TAF2: variants seen among roughly 807,000 people sequenced by gnomAD.
TAF2 encodes the protein transcription initiation factor TFIID subunit 2.
Under a neutral mutation model 138.5 loss-of-function variants are expected in TAF2, and 61 were observed. That is an observed-to-expected ratio of 0.44 (90% CI 0.36 to 0.54). The LOEUF is 0.54. Among genes scored for constraint, TAF2 ranks in the 20% least tolerant of loss-of-function variants. TAF2 has a pLI of 0.00. For missense variants in TAF2, 1,090 were observed against 1,427.9 expected (o/e 0.76, Z 3.81); for synonymous variants, 475 against 469.9 (o/e 1.01, Z -0.14).
At chr8:119,779,851 C>G (rs961606043) in intron 17 of TAF2, among the ~76,000 whole-genome samples, 1 of 152,026 alleles carries the variant, frequency 6.6e-6, no homozygotes, top group African/African-American at 2.4e-5. Context: ...TTAATGTGCC[C>G]CACCCTCTAA....
intron 25 of TAF2, among the ~76,000 whole-genome samples, chr8:119,738,036 C>T (rs1819347373): frequency 6.6e-6 from 1 of 151,706 alleles, no homozygotes; most frequent in African/African-American, 2.4e-5. Flanking sequence ...TTCACTTATA[C>T]TATAAACTAT....
rs1042785052 is a variant in TAF2, at chr8:119,762,577, A to G, written c.2396T>C (p.Ile799Thr). 45 of 1,613,592 alleles carry G rather than the reference A, an allele frequency of 2.8e-5. No homozygotes were observed. Among genetic ancestry groups the G allele is most frequent in the Middle Eastern group, 1.7e-4 (1 of 6,054 alleles). ...TGTAACAGAGTTGGCCAGGGCATCA[A>G]TCATTTCTGCACGATAATAGTTATC... ...FSDNYYRAEMIDALANSVTPA... is the reference protein window; with the variant it reads ...FSDNYYRAEMTDALANSVTPA... The change falls in exon 19 of 26, where the codon ATT becomes ACT. Residue 799 changes from isoleucine (I) to threonine (T), a missense_variant. Transcript: ENST00000378164.
chr8:119,803,745 T>A, intron 5 of TAF2, 133 bp downstream of exon 5: 1 of 936,598 alleles, frequency 1.1e-6, no homozygotes, highest in Non-Finnish European at 1.5e-6. Flanking sequence ...TAACAGAAAG[T>A]AATTTGAAAG....
At chr8:119,801,596 T>C (rs573597665) in intron 6 of TAF2, among the ~76,000 whole-genome samples, 198 bp downstream of exon 6, 4 of 152,012 alleles carry the variant, frequency 2.6e-5, no homozygotes, top group Non-Finnish European at 5.9e-5. Flanking sequence ...GCCTGGCTAA[T>C]TTTTTGTATT....
intron 20 of TAF2, among the ~76,000 whole-genome samples, chr8:119,759,040 T>C (rs1287252824): frequency 6.6e-6 from 1 of 152,100 alleles, no homozygotes; most frequent in Non-Finnish European, 1.5e-5. Flanking sequence ...TTATGAGACA[T>C]TAAAAACTAT....
chr8:119,739,889 T>A (rs1819482506), intron 25 of TAF2, among the ~76,000 whole-genome samples: 1 of 151,888 alleles, frequency 6.6e-6, no homozygotes, highest in African/African-American at 2.4e-5. Context: ...TAAAAGGAAA[T>A]CCATATTTTT....
chr8:119,788,415 A>G lies in TAF2; in HGVS notation c.1716T>C (p.Asp572=). Residue 572 remains aspartate (D), a synonymous_variant, in exon 14 of 26, where the codon GAT becomes GAC. Transcript: ENST00000378164. ...GPLKVTVQEL[D]GSFNHTLQIE... The stretch of plus-strand genomic sequence containing the variant: ...TTTGCAGTGTATGATTGAAGGATCC[A>G]TCTAACTCCTGCACTGTCACTTTAA... The G allele has an allele frequency of 6.2e-7, 1 of 1,613,496 alleles. No homozygotes were observed. The highest frequency in any genetic ancestry group is 8.5e-7 in the Non-Finnish European group (1 of 1,179,866).
chr8:119,739,374 A>AAAT (rs1445598768), intron 25 of TAF2, among the ~76,000 whole-genome samples: 1 of 152,144 alleles, frequency 6.6e-6, no homozygotes. Flanking sequence ...AAAGGAAAAT[A>AAAT]AATAATAAAG....
At chr8:119,813,016 T>C (rs753619684) in intron 3 of TAF2, among the ~76,000 whole-genome samples, 15 of 152,224 alleles carry the variant, frequency 9.9e-5, no homozygotes, top group Non-Finnish European at 2.2e-4. Flanking sequence ...CTCTCCATAC[T>C]GTTTTCCACA....
In TAF2 at chr8:119,800,868, T is replaced by A. The variant is rs1272415635; in HGVS notation, c.792+926A>T. On this transcript the variant is annotated intron_variant, in intron 6 of 25. Transcript: ENST00000378164. The stretch of plus-strand genomic sequence containing the variant: ...ATTATATGCTTATGTATTTCTTTTT[T>A]AAAAAATAAACCTAAATTGAAGACG... Among the ~76,000 whole-genome samples the A allele has an allele frequency of 3.9e-5, 6 of 152,170 alleles. 1 individual carries two copies. The highest frequency in any genetic ancestry group is 7.4e-5 in the Non-Finnish European group (5 of 68,026).
intron 3 of TAF2, among the ~76,000 whole-genome samples, chr8:119,818,732 C>CCACACACACACACACACACACA (rs199991010): frequency 9.0e-6 from 1 of 110,900 alleles, no homozygotes. Context: ...AAAATGAAGT[C>CCACACACACACACACACACACA]CACACACACA....
chr8:119,786,976 AT>A (rs1034029928), intron 14 of TAF2, among the ~76,000 whole-genome samples: 3 of 152,306 alleles, frequency 2.0e-5, no homozygotes, highest in Admixed American at 1.3e-4. Context: ...AGGCAATACC[AT>A]TCAGGACAGA....
Position 119,815,269 on chromosome 8 carries a change from G to A in TAF2, c.299+4077C>T, listed in dbSNP as rs188489116. On this transcript the variant is annotated intron_variant, in intron 3 of 25. Coordinates refer to ENST00000378164, the MANE Select transcript of TAF2 (RefSeq NM_003184.4). Reference sequence around the variant, plus strand: ...TGCACTCCAGCCTGGATGACAGAGCGGGACTTGGTCTTTTTTTTTTTTTGA... The same window carrying A: ...TGCACTCCAGCCTGGATGACAGAGCAGGACTTGGTCTTTTTTTTTTTTTGA... 4.9e-3 allele frequency among the ~76,000 whole-genome samples: 739 copies of A among 151,852 alleles called. 13 individuals are homozygous for A. The highest frequency in any genetic ancestry group is 0.029 in the Admixed American group (448 of 15,266).
intron 18 of TAF2, among the ~76,000 whole-genome samples, chr8:119,773,273 T>G (rs1010001050): frequency 6.6e-6 from 1 of 151,464 alleles, no homozygotes; most frequent in African/African-American, 2.4e-5. Context: ...ACCATTTCTA[T>G]TTATGTAAAA....
chr8:119,829,883 G>A (rs1174532929), intron 2 of TAF2, among the ~76,000 whole-genome samples: 4 of 142,070 alleles, frequency 2.8e-5, no homozygotes, highest in Admixed American at 1.4e-4. Flanking sequence ...TTTTTGAGAC[G>A]GAGTCTTGCT....
intron 25 of TAF2, among the ~76,000 whole-genome samples, chr8:119,741,026 C>T (rs1819572743): frequency 6.6e-6 from 1 of 152,162 alleles, no homozygotes; most frequent in Non-Finnish European, 1.5e-5. Context: ...CATTCCTATT[C>T]CCCACCATTA....
intron 3 of TAF2, among the ~76,000 whole-genome samples, chr8:119,817,710 T>C (rs1825568098): frequency 6.6e-6 from 1 of 152,342 alleles, no homozygotes; most frequent in African/African-American, 2.4e-5. Flanking sequence ...CACTGTCTTT[T>C]GTGACTGACA....
In TAF2 at chr8:119,819,502, A is replaced by G. The variant is rs1462288948; in HGVS notation, c.143T>C (p.Phe48Ser). ...INFQRKSVVG[F>S]VELTIFPTVA... ...TGTGGGAAATATAGTCAGTTCCACAAATCCCTGTAAAGATAGAGAATAACA... is the reference window on the plus strand; with the variant it reads ...TGTGGGAAATATAGTCAGTTCCACAGATCCCTGTAAAGATAGAGAATAACA... Residue 48 changes from phenylalanine (F) to serine (S), a missense_variant, in exon 3 of 26, where the codon TTT becomes TCT. By Grantham distance (155) the Phe-to-Ser change is radical. This residue lies in a region of TAF2 where 504 missense variants were observed against 680.9 expected (regional missense o/e 0.74). Transcript: ENST00000378164. 3.7e-6 allele frequency: 6 copies of G among 1,604,352 alleles called. No individual in the cohort carries two copies. Among genetic ancestry groups the G allele is most frequent in the Non-Finnish European group, 5.1e-6 (6 of 1,177,572 alleles).
chr8:119,759,083 T>C (rs908637506), intron 20 of TAF2, among the ~76,000 whole-genome samples: 1 of 152,082 alleles, frequency 6.6e-6, no homozygotes, highest in African/African-American at 2.4e-5. Context: ...CTGGCAACAA[T>C]GACATATTTG....
Sources: allele counts gnomAD v4.1 joint callset (sites outside exome capture counted in the v4.1 genomes callset), GRCh38; gene constraint gnomAD v4.1.1; regional missense constraint gnomAD v4.1.1; transcripts MANE v1.5; gene names NCBI Gene and HGNC (gene_info 2026-07-23, HGNC 2026-07-21).